HEPH: variants seen among roughly 807,000 people sequenced by gnomAD.
The protein encoded by HEPH is hephaestin.
HEPH carries 69 observed loss-of-function variants against 80.8 expected under a neutral mutation model. The ratio of observed to expected loss-of-function variants is 0.85; its 90% CI spans 0.70 to 1.04. The LOEUF (loss-of-function observed/expected upper bound fraction) is 1.04. HEPH is among the 50% of genes least tolerant of loss of function. The pLI is 0.00. For missense variants in HEPH, 1,115 were observed against 891.3 expected (o/e 1.25, Z -3.20); for synonymous variants, 431 against 322.8 (o/e 1.34, Z -3.60).
intron 20 of HEPH, among the ~76,000 whole-genome samples, chrX:66,263,929 C>A (rs1314378474): frequency 9.0e-6 from 1 of 110,832 alleles, no homozygotes; most frequent in East Asian, 2.8e-4. Flanking sequence ...CAGCCTCCTC[C>A]CCATTTAAAG....
At chrX:66,228,808 A>C (rs2089998663) in intron 15 of HEPH, among the ~76,000 whole-genome samples, 1 of 112,435 alleles carries the variant, frequency 8.9e-6, no homozygotes, top group South Asian at 3.6e-4. Flanking sequence ...GGGAAATTCA[A>C]ATCAAAACCA....
At chrX:66,180,096 G>A (rs2087026572) in intron 4 of HEPH, among the ~76,000 whole-genome samples, 1 of 111,232 alleles carries the variant, frequency 9.0e-6, no homozygotes, top group Non-Finnish European at 1.9e-5. Context: ...ATTGAGATAT[G>A]AGGTACCATA....
At chrX:66,209,826 G>T (rs1569339522) in intron 15 of HEPH, among the ~76,000 whole-genome samples, 1 of 111,400 alleles carries the variant, frequency 9.0e-6, no homozygotes, top group Non-Finnish European at 1.9e-5. Context: ...GGAGTGGGAG[G>T]ATTGGAGTAT....
intron 15 of HEPH, 106 bp from the exon 16 acceptor site, chrX:66,254,929 A>G: frequency 4.6e-6 from 2 of 436,893 alleles, no homozygotes; most frequent in Non-Finnish European, 7.9e-6. Context: ...ATGAAGAAAG[A>G]TCCTAAAGAA....
chrX:66,173,906 A>G, intron 4 of HEPH, 105 bp downstream of exon 4: 1 of 469,045 alleles, frequency 2.1e-6, no homozygotes, highest in Non-Finnish European at 3.4e-6. Context: ...GAGGAGTGCT[A>G]ATTCAGCACT....
chrX:66,190,981 C>A (rs984236064), intron 6 of HEPH, among the ~76,000 whole-genome samples: 20 of 111,962 alleles, frequency 1.8e-4, no homozygotes, highest in African/African-American at 6.2e-4. Context: ...TTTGATAAAT[C>A]ATTTCACTTC....
At chrX:66,162,805 C>A (rs1447268949), upstream of HEPH, 1 of 1,155,195 alleles carries the variant, frequency 8.7e-7, no homozygotes, top group Non-Finnish European at 1.1e-6. Flanking sequence ...ACTTTAAATT[C>A]AGAAGAGGAA....
chrX:66,260,360 A>G (rs750483593), intron 19 of HEPH, 98 bp downstream of exon 19: 9 of 669,333 alleles, frequency 1.3e-5, no homozygotes, highest in Non-Finnish European at 2.0e-5. Flanking sequence ...TCTCCTTCTG[A>G]TCCCACAATA....
intron 4 of HEPH, among the ~76,000 whole-genome samples, chrX:66,180,952 G>T (rs774634725): frequency 2.2e-4 from 22 of 100,088 alleles, no homozygotes; most frequent in South Asian, 9.9e-4. Flanking sequence ...GCGGTATTTG[G>T]TTTTTTTGTT....
chrX:66,238,329 A>G (rs1246834361), intron 15 of HEPH, among the ~76,000 whole-genome samples: 2 of 111,117 alleles, frequency 1.8e-5, no homozygotes, highest in East Asian at 5.7e-4. Flanking sequence ...AATTCCCTTG[A>G]CATTTGCTTA....
At chrX:66,232,654 T>A (rs1003727807) in intron 15 of HEPH, among the ~76,000 whole-genome samples, 3 of 110,959 alleles carry the variant, frequency 2.7e-5, no homozygotes, top group Non-Finnish European at 3.8e-5. Context: ...TATAGTCTAG[T>A]CAGGAGAAAA....
At chrX:66,261,900 G>T (rs1569419047) in intron 19 of HEPH, among the ~76,000 whole-genome samples, 1 of 112,321 alleles carries the variant, frequency 8.9e-6, no homozygotes, top group East Asian at 2.8e-4. Context: ...AAAGTCAAGT[G>T]ATCAATTGAT....
Position 66,195,187 on chromosome X carries a change from G to A in HEPH, c.1459G>A (p.Val487Ile), listed in dbSNP as rs1438318678. ...GCCATTCAGCATGCAGCCCCATGGG[G>A]TCTTTTATGAGAAAGACTATGAAGG... ...SQPFSMQPHG[V>I]FYEKDYEGTV... Residue 487 changes from valine (V) to isoleucine (I), a missense_variant, in exon 9 of 21, where the codon GTC becomes ATC. By Grantham distance (29) the Val-to-Ile change is conservative. Around this residue, in one of 3 missense-constraint regions of HEPH, gnomAD observed 716 missense variants for 523.5 expected, o/e 1.37. Coordinates refer to ENST00000343002, the MANE Select transcript of HEPH (RefSeq NM_001367233.3). 8.3e-6 allele frequency: 10 copies of A among 1,199,632 alleles called. No individual in the cohort carries two copies. In the South Asian group the frequency reaches 1.5e-4, roughly 18 times the overall value.
intron 15 of HEPH, among the ~76,000 whole-genome samples, chrX:66,245,417 CAAG>C (rs1437439807): frequency 8.9e-6 from 1 of 111,882 alleles, no homozygotes; most frequent in Non-Finnish European, 1.9e-5. Flanking sequence ...ATCAAGTCAA[CAAG>C]AAGAGCTAAC....
At position 66,195,236 on chromosome X, in the gene HEPH, C is replaced by A; in HGVS notation, c.1501+7C>A. 1 of 1,155,389 alleles carries A rather than the reference C, an allele frequency of 8.7e-7. No homozygotes were observed. The highest frequency in any genetic ancestry group is 1.2e-6 in the Non-Finnish European group (1 of 866,271). ...GGCACTGTGTACAATGATGGTGAGC[C>A]AACAGGGTTTCTAGTAAATGTGGGC... On this transcript the variant is annotated splice_region_variant and intron_variant, in intron 9 of 20. Transcript: ENST00000343002.
Position 66,189,921 on chromosome X carries a change from T to C in HEPH, c.1046T>C (p.Val349Ala). ...GGTACCTGGTTAATTAGCTGCCAAG[T>C]GAACAGTCACTTTCGAGGTGAGATC... is the stretch of plus-strand genomic sequence containing the variant. ...EPGTWLISCQ[V>A]NSHFRDGMQA... is the part of the protein sequence containing the mutation. The change falls in exon 6 of 21, where the codon GTG (valine) becomes GCG (alanine). Residue 349 changes from valine to alanine, a missense_variant. Around this residue, in one of 3 missense-constraint regions of HEPH, gnomAD observed 391 missense variants for 343.6 expected, o/e 1.14. Coordinates refer to ENST00000343002, the MANE Select transcript of HEPH (RefSeq NM_001367233.3). 1 of 1,182,878 alleles carries C rather than the reference T, an allele frequency of 8.5e-7. No individual in the cohort carries two copies. The highest frequency in any genetic ancestry group is 1.1e-6 in the Non-Finnish European group (1 of 880,612).
At chrX:66,222,349 T>C (rs1090838) in intron 15 of HEPH, among the ~76,000 whole-genome samples, 43,549 of 111,362 alleles carry the variant, frequency 0.39, 9,651 homozygotes, top group African/African-American at 0.86. Flanking sequence ...CACACCTGGT[T>C]GACTGGAGGA....
In HEPH at chrX:66,172,742, C is replaced by G. The variant is rs779128901; in HGVS notation, c.412+143C>G. Reference sequence around the variant, plus strand: ...TGGCAAAGACTCTCCTCAGAGTAAACAAGGGTGGGCACTGGTATCAGTTCT... The same window carrying G: ...TGGCAAAGACTCTCCTCAGAGTAAAGAAGGGTGGGCACTGGTATCAGTTCT... On this transcript the variant is annotated intron_variant, in intron 3 of 20. Coordinates refer to ENST00000343002, the MANE Select transcript of HEPH (RefSeq NM_001367233.3). 521 of 586,654 alleles carry G rather than the reference C, an allele frequency of 8.9e-4. 4 individuals carry two copies. Among genetic ancestry groups the G allele is most frequent in the Admixed American group, 1.1e-3 (29 of 27,093 alleles). 48.3% of individuals were successfully genotyped at this position (586,654 alleles called of 1,213,427 possible).
chrX:66,186,606 C>T (rs1367379726), intron 4 of HEPH, among the ~76,000 whole-genome samples: 1 of 112,268 alleles, frequency 8.9e-6, no homozygotes, highest in Non-Finnish European at 1.9e-5. Flanking sequence ...CTGTCTGGCA[C>T]TCCCTAGTGA....
Sources: gnomAD v4.1 joint callset for allele counts (sites outside exome capture counted in the v4.1 genomes callset) on GRCh38, gnomAD v4.1.1 for gene constraint, gnomAD v4.1.1 regional missense constraint, MANE v1.5 for transcripts, NCBI Gene and HGNC (gene_info 2026-07-23, HGNC 2026-07-21) for gene names.